Variants in SLC17A1 observed in about 807,000 individuals in gnomAD.
SLC17A1 encodes the protein sodium-dependent phosphate transport protein 1.
In SLC17A1, 51 loss-of-function variants were observed where a neutral mutation model predicts 53.5. The observed-to-expected ratio is 0.95, with a 90% confidence interval of 0.76 to 1.20. The LOEUF (loss-of-function observed/expected upper bound fraction) is 1.20, where lower values mean the gene tolerates loss of function less well. Among genes scored for constraint, SLC17A1 ranks in the 50% most tolerant of loss-of-function variants. The pLI, the probability that SLC17A1 is intolerant of heterozygous loss-of-function variation, is 0.00. For missense variants in SLC17A1, 538 were observed against 568.2 expected, an observed-to-expected ratio of 0.95 and a Z score of 0.54; for synonymous variants, 179 against 198.8, an observed-to-expected ratio of 0.90 and a Z score of 0.84.
At chr6:25,807,323 G>A (rs944215155) in intron 10 of SLC17A1, among the ~76,000 whole-genome samples, 1 of 151,914 alleles carries the variant, frequency 6.6e-6, no homozygotes, top group South Asian at 2.1e-4. Context: ...AAGAAAATGC[G>A]GTATATATAC....
At chr6:25,751,249 T>A in the SLC17A1 span, among the ~76,000 whole-genome samples, 1 of 152,210 alleles carries the variant, frequency 6.6e-6, no homozygotes, top group African/African-American at 2.4e-5. Context: ...CCTGAAGCTA[T>A]AATTAAATGA....
At chr6:25,727,713 A>T in the SLC17A1 span, among the ~76,000 whole-genome samples, 2 of 152,094 alleles carry the variant, frequency 1.3e-5, no homozygotes, top group Admixed American at 1.3e-4. Flanking sequence ...CCGAGGGTAG[A>T]CGAACTAGTT....
chr6:25,820,927 A>C (rs766015332), intron 3 of SLC17A1, among the ~76,000 whole-genome samples: 31 of 151,686 alleles, frequency 2.0e-4, no homozygotes, highest in Non-Finnish European at 2.6e-4. Context: ...AGAATGATAA[A>C]AGAAAATCCT....
the SLC17A1 span, chr6:25,770,248 A>C: frequency 6.2e-7 from 1 of 1,614,142 alleles, no homozygotes. Context: ...CTGGCAGCTA[A>C]TGCGGGAGTG....
At chr6:25,772,903 C>T in the SLC17A1 span, among the ~76,000 whole-genome samples, 5 of 152,248 alleles carry the variant, frequency 3.3e-5, no homozygotes, top group African/African-American at 1.2e-4. Flanking sequence ...TCATTTATTC[C>T]CATGGTTCTT....
chr6:25,732,630 GC>G, the SLC17A1 span: 1 of 1,187,328 alleles, frequency 8.4e-7, no homozygotes. Flanking sequence ...CCTGGAGTTG[GC>G]GGGCAACGCC....
the SLC17A1 span, among the ~76,000 whole-genome samples, chr6:25,768,738 C>T: frequency 9.2e-5 from 14 of 152,256 alleles, no homozygotes; most frequent in Admixed American, 2.6e-4. Flanking sequence ...GCCTAAAAAG[C>T]TCTCCCCTAA....
At position 25,806,738 on chromosome 6, in the gene SLC17A1, G is replaced by A. The variant is rs116277857; in HGVS notation, c.1178+4660C>T. Among the ~76,000 whole-genome samples the A allele has an allele frequency of 8.7e-3, 1,327 of 152,162 alleles. 9 individuals are homozygous for A. Among genetic ancestry groups the A allele is most frequent in the African/African-American group, 0.029 (1,186 of 41,534 alleles). On this transcript the variant is annotated intron_variant, in intron 10 of 12. Coordinates refer to ENST00000244527, the MANE Select transcript of SLC17A1 (RefSeq NM_005074.5). ...AAAGAAATAATTATCAGAGTAAACAGATAACCCACAGAATGGGTGAAAAGA... is the reference window on the plus strand; with the variant it reads ...AAAGAAATAATTATCAGAGTAAACAAATAACCCACAGAATGGGTGAAAAGA...
At chr6:25,773,341 C>T in the SLC17A1 span, 1 of 1,613,966 alleles carries the variant, frequency 6.2e-7, no homozygotes, top group Non-Finnish European at 8.5e-7. Flanking sequence ...GTGAATCATC[C>T]CTTTATCAGT....
chr6:25,738,334 AATAG>A, the SLC17A1 span, among the ~76,000 whole-genome samples: 6,970 of 152,246 alleles, frequency 0.046, 459 homozygotes, highest in African/African-American at 0.15. Context: ...TAGTGTTTTC[AATAG>A]CTGATGCTAG....
At chr6:25,726,082 C>T in the SLC17A1 span, 2 of 1,465,422 alleles carry the variant, frequency 1.4e-6, no homozygotes, top group Non-Finnish European at 9.1e-7. Flanking sequence ...CTGAAAAGAG[C>T]CTTTTGTTTT....
intron 3 of SLC17A1, 22 bp from the exon 4 acceptor site, chr6:25,819,937 G>T (rs1214053693): frequency 6.7e-7 from 1 of 1,483,460 alleles, no homozygotes; most frequent in Non-Finnish European, 9.3e-7. Flanking sequence ...GGGGGGACAT[G>T]TCGAATCACT....
chr6:25,770,522 G>A, the SLC17A1 span: 2 of 1,535,884 alleles, frequency 1.3e-6, no homozygotes, highest in Non-Finnish European at 9.0e-7. Flanking sequence ...GGAGAACTCA[G>A]CAAAGTCCTG....
intron 3 of SLC17A1, among the ~76,000 whole-genome samples, chr6:25,822,889 A>C (rs985484928): frequency 1.3e-5 from 2 of 152,174 alleles, no homozygotes; most frequent in African/African-American, 4.8e-5. Flanking sequence ...TTGTGAAGCT[A>C]TCACCACAAT....
At chr6:25,726,802 G>A in the SLC17A1 span, 5 of 1,362,154 alleles carry the variant, frequency 3.7e-6, no homozygotes, top group African/African-American at 2.9e-5. Context: ...GAGACTTGGA[G>A]CTGAGGTCAT....
rs115064896 is a variant in SLC17A1, at chr6:25,826,542, G to A, written c.126C>T (p.Leu42=). 1 of 1,612,594 alleles carries A rather than the reference G, an allele frequency of 6.2e-7. No homozygotes were observed. Among genetic ancestry groups the A allele is most frequent in the African/African-American group, 1.3e-5 (1 of 74,920 alleles). The change falls in exon 3 of 13, where the codon CTC becomes CTT. Residue 42 remains leucine (L), a synonymous_variant. Transcript: ENST00000244527. The stretch of plus-strand genomic sequence containing the variant: ...TGCTATTCACCATGACTACCATTGT[G>A]AGGTTCAGGCACGCACGCTGTGCTG... ...IITAQRACLN[L]TMVVMVNSTD... is the part of the protein sequence containing the mutation.
the SLC17A1 span, among the ~76,000 whole-genome samples, chr6:25,772,700 T>C: frequency 6.6e-6 from 1 of 152,182 alleles, no homozygotes; most frequent in Non-Finnish European, 1.5e-5. Flanking sequence ...AGATAAGAGA[T>C]AGATATGGAA....
the SLC17A1 span, chr6:25,731,866 G>A: frequency 3.1e-6 from 5 of 1,602,862 alleles, no homozygotes; most frequent in East Asian, 2.3e-5. Flanking sequence ...AGCAGCAGGC[G>A]CACGGCCGTC....
downstream of SLC17A1, chr6:25,779,958 CTGCCTTCGTT>C (rs1431348056): frequency 6.6e-6 from 1 of 152,228 alleles, no homozygotes; most frequent in Non-Finnish European, 1.5e-5. Flanking sequence ...CCCATGATAT[CTGCCTTCGTT>C]TGCCCCTCTG....
Sources: gnomAD v4.1 joint callset for allele counts (sites outside exome capture counted in the v4.1 genomes callset) on GRCh38, gnomAD v4.1.1 for gene constraint, MANE v1.5 for transcripts, NCBI Gene and HGNC (gene_info 2026-07-23, HGNC 2026-07-21) for gene names.